CSF1R: variants seen among roughly 807,000 people sequenced by gnomAD.
The protein encoded by CSF1R is colony stimulating factor 1 receptor, also known as macrophage colony-stimulating factor 1 receptor.
CSF1R carries 40 observed loss-of-function variants against 110.0 expected under a neutral mutation model. That is an observed-to-expected ratio of 0.36 (90% CI 0.28 to 0.47). The LOEUF (loss-of-function observed/expected upper bound fraction) is 0.47, where lower values mean the gene tolerates loss of function less well. Among genes scored for constraint, CSF1R ranks in the 20% least tolerant of loss-of-function variants. The probability of loss-of-function intolerance (pLI) is 0.99; values close to 1 mark genes in which losing one functional copy is unlikely to be tolerated. For missense variants in CSF1R, 1,052 were observed against 1,253.0 expected, an observed-to-expected ratio of 0.84 and a Z score of 2.42; for synonymous variants, 523 against 503.4, an observed-to-expected ratio of 1.04 and a Z score of -0.52.
At chr5:150,078,345 G>A in intron 3 of CSF1R, 97 bp from the exon 4 acceptor site, 1 of 1,473,618 alleles carries the variant, frequency 6.8e-7, no homozygotes, top group Non-Finnish European at 9.1e-7. Context: ...CACAGGCCAG[G>A]GTCCCCATCA....
intron 1 of CSF1R, among the ~76,000 whole-genome samples, chr5:150,084,570 A>C (rs1416698937): frequency 6.6e-6 from 1 of 151,588 alleles, no homozygotes; most frequent in African/African-American, 2.4e-5. Flanking sequence ...CTCCCACCTC[A>C]GCCTCCTGAG....
At chr5:150,064,174 C>T (rs552795058) in intron 10 of CSF1R, among the ~76,000 whole-genome samples, 7 of 152,172 alleles carry the variant, frequency 4.6e-5, no homozygotes, top group East Asian at 3.9e-4. Context: ...TGGAAGCGGG[C>T]GAGGGTTGAA....
chr5:150,091,100 T>C (rs1759023514), upstream of CSF1R, among the ~76,000 whole-genome samples: 1 of 152,196 alleles, frequency 6.6e-6, no homozygotes, highest in African/African-American at 2.4e-5. Context: ...CCACTTCATA[T>C]CTACTAGGAT....
intron 10 of CSF1R, 83 bp from the exon 11 acceptor site, chr5:150,061,932 T>C: frequency 3.1e-6 from 5 of 1,596,918 alleles, no homozygotes; most frequent in Non-Finnish European, 2.6e-6. Context: ...AGAGCAGGGG[T>C]GTGGGCAGTC....
At position 150,081,034 on chromosome 5, in the gene CSF1R, G is replaced by A. The variant is rs746607364; in HGVS notation, c.50-10C>T. On this transcript the variant is annotated splice_polypyrimidine_tract_variant and intron_variant, in intron 1 of 20. Coordinates refer to ENST00000675795, the MANE Select transcript of CSF1R (RefSeq NM_001288705.3). ...ACTGGGATTCCCTGACCTGGTGGGA[G>A]AGAGGGACAGCAGACAGAAGTGAGG... The A allele has an allele frequency of 4.3e-6, 7 of 1,613,654 alleles. No homozygotes were observed. Among genetic ancestry groups the A allele is most frequent in the Non-Finnish European group, 5.9e-6 (7 of 1,179,634 alleles).
At position 150,054,233 on chromosome 5, in the gene CSF1R, G is replaced by T; in HGVS notation, c.2764-9C>A. 1 of 1,612,488 alleles carries T rather than the reference G, an allele frequency of 6.2e-7. No homozygotes were observed. The highest frequency in any genetic ancestry group is 1.1e-5 in the South Asian group (1 of 90,794). On this transcript the variant is annotated splice_polypyrimidine_tract_variant and intron_variant, in intron 20 of 20. Transcript: ENST00000675795. Reference sequence around the variant, plus strand: ...GGCAGATTGGTATAGTCCTGAGGGTGGGAGGGACCAGAAACTGTCAGTCCA... The same window carrying T: ...GGCAGATTGGTATAGTCCTGAGGGTTGGAGGGACCAGAAACTGTCAGTCCA...
intron 10 of CSF1R, among the ~76,000 whole-genome samples, chr5:150,063,635 G>A (rs1757631309): frequency 6.6e-6 from 1 of 152,066 alleles, no homozygotes; most frequent in Non-Finnish European, 1.5e-5. Context: ...CACCCAGCCA[G>A]GGGAGGCAAG....
At chr5:150,095,677 CA>C (rs1386221212) in intron 1 of CSF1R, among the ~76,000 whole-genome samples, 3 of 134,256 alleles carry the variant, frequency 2.2e-5, no homozygotes, top group African/African-American at 8.2e-5. Context: ...GAGCAGAAAT[CA>C]ATAAAATCCA....
intron 4 of CSF1R, 110 bp downstream of exon 4, chr5:150,078,002 C>A: frequency 7.1e-7 from 1 of 1,414,726 alleles, no homozygotes; most frequent in Non-Finnish European, 9.8e-7. Flanking sequence ...CTGAGCTGTG[C>A]CTTCAGCTAA....
chr5:150,054,267 A>AGGCCC, intron 20 of CSF1R, 43 bp from the exon 21 acceptor site: 1 of 1,613,672 alleles, frequency 6.2e-7, no homozygotes, highest in Non-Finnish European at 8.5e-7. Context: ...CAGATCCATC[A>AGGCCC]GGCCCAGCCC....
intron 10 of CSF1R, 137 bp from the exon 11 acceptor site, chr5:150,061,986 G>T: frequency 8.6e-7 from 1 of 1,158,218 alleles, no homozygotes; most frequent in Non-Finnish European, 1.2e-6. Flanking sequence ...CCTGCTCTGG[G>T]CTGAGAGAGG....
chr5:150,061,633 A>C, intron 11 of CSF1R, 38 bp from the exon 12 acceptor site: 3 of 1,613,774 alleles, frequency 1.9e-6, no homozygotes, highest in Non-Finnish European at 2.5e-6. Flanking sequence ...CCTGGGCACC[A>C]AAGGGCCTCT....
rs74360576 is a variant in CSF1R, at chr5:150,073,692, T to G, written c.890-199A>C. Among the ~76,000 whole-genome samples the G allele has an allele frequency of 9.2e-3, 1,398 of 152,290 alleles. 26 individuals carry two copies. Among genetic ancestry groups the G allele is most frequent in the African/African-American group, 0.032 (1,315 of 41,534 alleles). On this transcript the variant is annotated intron_variant, in intron 5 of 20. Coordinates refer to ENST00000675795, the MANE Select transcript of CSF1R (RefSeq NM_001288705.3). ...ATCCCTGGATCAAAACTTTTCTCAC[T>G]GAAGCCCTAGGAGAACCTGGGCAAA...
intron 10 of CSF1R, among the ~76,000 whole-genome samples, chr5:150,065,661 C>T (rs1345580545): frequency 6.6e-6 from 1 of 152,128 alleles, no homozygotes; most frequent in Non-Finnish European, 1.5e-5. Flanking sequence ...CATGACCATC[C>T]TGCCCCCTCC....
intron 15 of CSF1R, 31 bp downstream of exon 15, chr5:150,057,473 C>T (rs898751485): frequency 6.2e-7 from 1 of 1,612,562 alleles, no homozygotes; most frequent in Non-Finnish European, 8.5e-7. Flanking sequence ...TGTTATCAAG[C>T]AAATGGGGCC....
At chr5:150,113,252 T>G (rs1209567067) in intron 1 of CSF1R, 1 of 155,512 alleles carries the variant, frequency 6.4e-6, no homozygotes, top group Admixed American at 6.5e-5. Context: ...TTCCCTCCCC[T>G]GTCCTTACCC....
At chr5:150,083,667 G>A (rs561927302) in intron 1 of CSF1R, among the ~76,000 whole-genome samples, 15 of 152,080 alleles carry the variant, frequency 9.9e-5, no homozygotes, top group African/African-American at 2.9e-4. Context: ...ATAAAAACTT[G>A]GGACCCTAAT....
chr5:150,073,579 A>T (rs1243636176), intron 5 of CSF1R, 86 bp from the exon 6 acceptor site: 1 of 1,411,238 alleles, frequency 7.1e-7, no homozygotes, highest in East Asian at 2.3e-5. Context: ...CCATTGATCC[A>T]GTCCCTGAGC....
intron 1 of CSF1R, among the ~76,000 whole-genome samples, chr5:150,098,040 C>A (rs964447775): frequency 3.3e-5 from 5 of 152,168 alleles, no homozygotes; most frequent in African/African-American, 1.2e-4. Context: ...AAAGGATAGA[C>A]ATGTACATCA....
Sources: gnomAD v4.1 joint callset for allele counts (sites outside exome capture counted in the v4.1 genomes callset) on GRCh38, gnomAD v4.1.1 for gene constraint, MANE v1.5 for transcripts, NCBI Gene and HGNC (gene_info 2026-07-23, HGNC 2026-07-21) for gene names.